The following RPL9 variants were observed in gnomAD, a reference collection of about 807,000 sequenced individuals.
RPL9 encodes the protein large ribosomal subunit protein uL6.
For missense variants in RPL9, 149 were observed against 236.7 expected, an observed-to-expected ratio of 0.63 and a Z score of 2.43; for synonymous variants, 82 against 77.1, an observed-to-expected ratio of 1.06 and a Z score of -0.33.
chr4:39,454,660 G>C lies in RPL9; in HGVS notation c.473-11C>G. The C allele has an allele frequency of 6.2e-7, 1 of 1,605,974 alleles. No homozygotes were observed. Among genetic ancestry groups the C allele is most frequent in the Non-Finnish European group, 8.5e-7 (1 of 1,175,088 alleles). On this transcript the variant is annotated splice_polypyrimidine_tract_variant and intron_variant, in intron 6 of 7. Coordinates refer to ENST00000295955, the MANE Select transcript of RPL9 (RefSeq NM_000661.5). ...GCTGAATCAAAGCCGCTATAGGAGTGAAGATAAAGCAATTAATACATCAGC... is the reference window on the plus strand; with the variant it reads ...GCTGAATCAAAGCCGCTATAGGAGTCAAGATAAAGCAATTAATACATCAGC...
chr4:39,456,171 C>T (rs1744077516), intron 5 of RPL9: 1 of 536,034 alleles, frequency 1.9e-6, no homozygotes, highest in East Asian at 3.6e-5. Flanking sequence ...ACAACCACCA[C>T]TGCAAGCTAC....
At chr4:39,457,919 G>C (rs967166982) in intron 3 of RPL9, 2 of 624,844 alleles carry the variant, frequency 3.2e-6, no homozygotes, top group African/African-American at 1.8e-5. Context: ...GCCGGTTCCT[G>C]TGATTTTTAC....
chr4:39,455,824 A>G (rs1437212777), intron 5 of RPL9: 1 of 175,704 alleles, frequency 5.7e-6, no homozygotes, highest in Non-Finnish European at 1.2e-5. Context: ...TTTACTATGT[A>G]TTACGCATGC....
Position 39,454,923 on chromosome 4 carries a change from T to A in RPL9, c.413A>T (p.Gln138Leu). ...MRPGVACSVS[Q>L]AQKDELILEG... ...AAGGATTAATTCATCTTTCTGGGCT[T>A]GAGATACTGAACAAGCAACACCTAA... The change falls in exon 6 of 8, where the codon CAA becomes CTA. Residue 138 changes from glutamine to leucine, a missense_variant. Coordinates refer to ENST00000295955, the MANE Select transcript of RPL9 (RefSeq NM_000661.5). The A allele has an allele frequency of 6.2e-7, 1 of 1,613,920 alleles. No individual in the cohort carries two copies. The highest frequency in any genetic ancestry group is 2.2e-5 in the East Asian group (1 of 44,868).
At chr4:39,455,209 G>A (rs976659813) in intron 5 of RPL9, 23 of 321,264 alleles carry the variant, frequency 7.2e-5, no homozygotes, top group Non-Finnish European at 2.3e-5. Flanking sequence ...TTAGCTGGGT[G>A]TGGTGGTACG....
At position 39,457,690 on chromosome 4, in the gene RPL9, G is replaced by T; in HGVS notation, c.163-9C>A. On this transcript the variant is annotated splice_polypyrimidine_tract_variant and intron_variant, in intron 3 of 7. Transcript: ENST00000295955. ...CATTTGTCAACCCGGAGCTGTAACA[G>T]AACAAAAAATGTATTCTTTCCAGAA... The T allele has an allele frequency of 1.9e-6, 3 of 1,610,670 alleles. No individual in the cohort carries two copies. Among genetic ancestry groups the T allele is most frequent in the Non-Finnish European group, 8.5e-7 (1 of 1,177,008 alleles).
At chr4:39,456,013 T>G in intron 5 of RPL9, 1 of 254,716 alleles carries the variant, frequency 3.9e-6, no homozygotes, top group Non-Finnish European at 7.7e-6. Flanking sequence ...ATAAATGGAG[T>G]GATGGATGTG....
chr4:39,457,742 C>T (rs1240389832), intron 3 of RPL9, 61 bp from the exon 4 acceptor site: 1 of 1,325,092 alleles, frequency 7.5e-7, no homozygotes, highest in Non-Finnish European at 1.1e-6. Flanking sequence ...GACAACAGAC[C>T]ACTTACCGAA....
Position 39,457,689 on chromosome 4 carries a change from A to G in RPL9, c.163-8T>C, listed in dbSNP as rs775733169. 7.4e-6 allele frequency: 12 copies of G among 1,611,236 alleles called. No homozygotes were observed. The African/African-American group carries it at 1.6e-4, about 22-fold the overall frequency. ...CCATTTGTCAACCCGGAGCTGTAAC[A>G]GAACAAAAAATGTATTCTTTCCAGA... On this transcript the variant is annotated splice_polypyrimidine_tract_variant and splice_region_variant and intron_variant, in intron 3 of 7. Coordinates refer to ENST00000295955, the MANE Select transcript of RPL9 (RefSeq NM_000661.5).
intron 1 of RPL9, 23 bp downstream of exon 1, chr4:39,458,868 C>T (rs1253798450): frequency 1.0e-5 from 7 of 698,822 alleles, no homozygotes; most frequent in Non-Finnish European, 1.8e-5. Flanking sequence ...CCAGTACCCC[C>T]ACGAGCACAG....
chr4:39,458,852 A>G, intron 1 of RPL9, 39 bp downstream of exon 1: 1 of 695,496 alleles, frequency 1.4e-6, no homozygotes, highest in South Asian at 1.5e-5. Context: ...AGATGGTTTC[A>G]GATTCCCAGT....
chr4:39,458,548 A>G, intron 1 of RPL9, 108 bp from the exon 2 acceptor site: 2 of 1,229,880 alleles, frequency 1.6e-6, no homozygotes, highest in African/African-American at 1.5e-5. Context: ...GAAGTTCCAG[A>G]CAAGATGTCG....
chr4:39,454,482 G>A (rs1216347771), intron 7 of RPL9, 51 bp downstream of exon 7: 5 of 1,322,972 alleles, frequency 3.8e-6, no homozygotes, highest in Non-Finnish European at 5.2e-6. Flanking sequence ...TAAATTAAGA[G>A]CTTCATTCAA....
intron 3 of RPL9, 131 bp from the exon 4 acceptor site, chr4:39,457,812 C>G (rs1744171691): frequency 1.3e-6 from 1 of 795,006 alleles, no homozygotes; most frequent in African/African-American, 1.7e-5. Context: ...CTGGAAAAAT[C>G]CAACCACCTA....
intron 5 of RPL9, chr4:39,455,329 G>A (rs1445227915): frequency 6.1e-6 from 1 of 162,980 alleles, no homozygotes; most frequent in Non-Finnish European, 1.3e-5. Context: ...GCTGACCATA[G>A]CTAGTATCAG....
intron 7 of RPL9, 73 bp downstream of exon 7, chr4:39,454,460 T>A: frequency 8.9e-7 from 1 of 1,118,582 alleles, no homozygotes; most frequent in Admixed American, 2.7e-5. Flanking sequence ...AAATTCAGTT[T>A]AAGTCTTTTA....
In RPL9 at chr4:39,458,382, C is replaced by G; in HGVS notation, c.46+12G>C. The G allele has an allele frequency of 6.2e-7, 1 of 1,614,118 alleles. No homozygotes were observed. Among genetic ancestry groups the G allele is most frequent in the East Asian group, 2.2e-5 (1 of 44,880 alleles). Reference sequence around the variant, plus strand: ...CAGTAAAGATGTAAGTAAAAGACATCAAGTCTCATACCATTTTCTGGAATG... The same window carrying G: ...CAGTAAAGATGTAAGTAAAAGACATGAAGTCTCATACCATTTTCTGGAATG... On this transcript the variant is annotated intron_variant, in intron 2 of 7. Transcript: ENST00000295955.
rs769887730 is a variant in RPL9, at chr4:39,458,289, G to A, written c.67C>T (p.Arg23Cys). ...CTGGGGCCCTTCACGATAACTGTGC[G>A]TCCCTTCAGAGTAATGTCGACTAGA... ...PENVDITLKG[R>C]TVIVKGPRGT... Residue 23 changes from arginine to cysteine, a missense_variant, in exon 3 of 8, where the codon CGC (arginine) becomes TGC (cysteine). By Grantham distance (180) the Arg-to-Cys change is radical (BLOSUM62 -3). Transcript: ENST00000295955. The A allele has an allele frequency of 2.5e-6, 4 of 1,614,034 alleles. No homozygotes were observed. Among genetic ancestry groups the A allele is most frequent in the Middle Eastern group, 1.6e-4 (1 of 6,062 alleles).
chr4:39,456,151 C>G, intron 5 of RPL9: 2 of 485,498 alleles, frequency 4.1e-6, no homozygotes, highest in Non-Finnish European at 7.6e-6. Flanking sequence ...TTTCATTTGC[C>G]AAGTTAAATA....
Sources: gnomAD v4.1 joint callset for allele counts on GRCh38, gnomAD v4.1.1 for gene constraint, MANE v1.5 for transcripts, NCBI Gene and HGNC (gene_info 2026-07-23, HGNC 2026-07-21) for gene names.